The following MAP4K3 variants were observed in gnomAD, a reference collection of about 807,000 sequenced individuals.
MAP4K3 encodes mitogen-activated protein kinase kinase kinase kinase 3, also known as MAPK/ERK kinase kinase kinase 3.
Under a neutral mutation model 143.5 loss-of-function variants are expected in MAP4K3, and 94 were observed. The observed-to-expected ratio is 0.65, with a 90% CI of 0.55 to 0.78. MAP4K3 has a LOEUF of 0.78. Ranked by LOEUF, MAP4K3 falls within the 30% of genes least tolerant of loss-of-function variation. MAP4K3 has a pLI of 0.00. For synonymous variants in MAP4K3, 416 were observed against 347.2 expected (o/e 1.20, Z -2.20); for missense variants, 1,077 against 1,068.1 (o/e 1.01, Z -0.12).
At chr2:39,345,893 G>T (rs1409006952) in intron 3 of MAP4K3, among the ~76,000 whole-genome samples, 2 of 122,038 alleles carry the variant, frequency 1.6e-5, no homozygotes, top group Non-Finnish European at 3.1e-5. Flanking sequence ...CTGCACTCCA[G>T]CCTGAGTGAC....
rs1048155378 is a variant in MAP4K3 at position 39,437,009 on chromosome 2, G to A, written c.-22C>T. ...TCATGGCGGGCCCCAGGTGCCCCCC[G>A]CCTCCCTCCCGGGCAGGGGAGGGGG... On this transcript the variant is annotated 5_prime_UTR_variant, in exon 1 of 34. Coordinates refer to ENST00000263881, the MANE Select transcript of MAP4K3 (RefSeq NM_003618.4). 3.1e-6 allele frequency: 5 copies of A among 1,598,846 alleles called. No individual in the cohort carries two copies. The highest frequency in any genetic ancestry group is 4.3e-6 in the Non-Finnish European group (5 of 1,170,820).
chr2:39,268,006 GT>G (rs749095867), intron 26 of MAP4K3, among the ~76,000 whole-genome samples: 1 of 152,134 alleles, frequency 6.6e-6, no homozygotes, highest in Non-Finnish European at 1.5e-5. Context: ...TTTAGTACAT[GT>G]AATACATTTA....
intron 31 of MAP4K3, among the ~76,000 whole-genome samples, chr2:39,255,174 T>G (rs1045541068): frequency 4.6e-5 from 7 of 152,176 alleles, no homozygotes; most frequent in Non-Finnish European, 8.8e-5. Flanking sequence ...TTTCCAACCT[T>G]CATACATTCA....
chr2:39,384,286 C>T (rs1380261874), intron 1 of MAP4K3, among the ~76,000 whole-genome samples: 1 of 152,138 alleles, frequency 6.6e-6, no homozygotes, highest in Non-Finnish European at 1.5e-5. Context: ...TGGCTCATGC[C>T]TGTAACCTCA....
At chr2:39,258,235 T>A in intron 31 of MAP4K3, 113 bp downstream of exon 31, 2 of 809,134 alleles carry the variant, frequency 2.5e-6, no homozygotes, top group South Asian at 1.9e-5. Flanking sequence ...CCCAGCCATA[T>A]CCTTTATTTT....
rs775146730 is a variant in MAP4K3 at position 39,260,619 on chromosome 2, C to A, written c.2295G>T (p.Trp765Cys). ...AAAATTACAAACCTGATTCTGTAAA[C>A]CATGAAGAGGTAGAATTTGGATTGA... ...ETVNPNSTSSWFTESDTPQTN... is the reference protein window; with the variant it reads ...ETVNPNSTSSCFTESDTPQTN... Residue 765 changes from tryptophan (W) to cysteine (C), a missense_variant, in exon 29 of 34, where the codon TGG becomes TGT. This residue lies in a region of MAP4K3 where 864 missense variants were observed against 801.2 expected (regional missense o/e 1.08). Transcript: ENST00000263881. The A allele has an allele frequency of 6.2e-7, 1 of 1,613,838 alleles. No homozygotes were observed. The highest frequency in any genetic ancestry group is 8.5e-7 in the Non-Finnish European group (1 of 1,179,932).
At chr2:39,350,008 T>C (rs1665407385) in intron 3 of MAP4K3, among the ~76,000 whole-genome samples, 1 of 152,170 alleles carries the variant, frequency 6.6e-6, no homozygotes, top group South Asian at 2.1e-4. Flanking sequence ...AAGGAACATT[T>C]GGCAAAGCCT....
rs150790153 is a variant in MAP4K3 at position 39,277,068 on chromosome 2, T to C, written c.1794+1339A>G. The stretch of plus-strand genomic sequence containing the variant: ...TCCCCTCTGTTCTCTACCTTTGCCC[T>C]GAATTAACACTCTTTTACCATTTGA... On this transcript the variant is annotated intron_variant, in intron 24 of 33. Coordinates refer to ENST00000263881, the MANE Select transcript of MAP4K3 (RefSeq NM_003618.4). Among the ~76,000 whole-genome samples the C allele has an allele frequency of 8.5e-5, 13 of 152,358 alleles. No homozygotes were observed. In the East Asian group the frequency reaches 2.3e-3, roughly 27 times the overall value.
rs1190462528 is a variant in MAP4K3, at chr2:39,315,253, T to A, written c.997+57A>T. On this transcript the variant is annotated intron_variant, in intron 13 of 33. Coordinates refer to ENST00000263881, the MANE Select transcript of MAP4K3 (RefSeq NM_003618.4). Reference sequence around the variant, plus strand: ...GAAATAAAACAAAAATAACTGTAACTAAATTATAACTTATTTTCTATCATT... The same window carrying A: ...GAAATAAAACAAAAATAACTGTAACAAAATTATAACTTATTTTCTATCATT... The A allele has an allele frequency of 5.7e-6, 7 of 1,235,428 alleles. No homozygotes were observed. The East Asian group carries it at 1.5e-4, about 27-fold the overall frequency. The allele number at this position is 1,235,428 out of a possible 1,614,324, so 76.5% of individuals were successfully genotyped here.
Position 39,315,784 on chromosome 2 carries a change from A to G in MAP4K3, c.919-396T>C, listed in dbSNP as rs1573138465. On this transcript the variant is annotated intron_variant, in intron 12 of 33. Transcript: ENST00000263881. ...ATCGAGAAATTCTGAAGGGAAAGGAAATACAACAGTGTAAACATTACCACT... is the reference window on the plus strand; with the variant it reads ...ATCGAGAAATTCTGAAGGGAAAGGAGATACAACAGTGTAAACATTACCACT... Among the ~76,000 whole-genome samples the G allele has an allele frequency of 2.0e-5, 3 of 152,166 alleles. No homozygotes were observed. In the East Asian group the frequency reaches 5.8e-4, roughly 29 times the overall value.
chr2:39,410,781 T>G (rs2148617420), intron 1 of MAP4K3, among the ~76,000 whole-genome samples: 1 of 152,274 alleles, frequency 6.6e-6, no homozygotes, highest in South Asian at 2.1e-4. Context: ...CTATAGCAAT[T>G]AAACCAAAAT....
At chr2:39,321,663 C>T (rs1360590787) in intron 12 of MAP4K3, among the ~76,000 whole-genome samples, 2 of 152,192 alleles carry the variant, frequency 1.3e-5, no homozygotes, top group African/African-American at 4.8e-5. Flanking sequence ...CTGTCTCCTG[C>T]CCGTCCCTGG....
At chr2:39,399,044 T>TAAA (rs57189056) in intron 1 of MAP4K3, among the ~76,000 whole-genome samples, 12 of 116,422 alleles carry the variant, frequency 1.0e-4, no homozygotes, top group Non-Finnish European at 2.0e-4. Context: ...TCTGTCTCGT[T>TAAA]AAAAAAAAAA....
chr2:39,318,782 A>C lies in MAP4K3; in HGVS notation c.919-3394T>G, dbSNP rs1683202330. On this transcript the variant is annotated intron_variant, in intron 12 of 33. Transcript: ENST00000263881. ...ACGTTTATTCAACTTTTATCATCTT[A>C]AAGTTCTATGATTATTGTTATCATC... 2.6e-5 allele frequency among the ~76,000 whole-genome samples: 4 copies of C among 152,170 alleles called. No homozygotes were observed. In the South Asian group the frequency reaches 6.2e-4, roughly 24 times the overall value.
At chr2:39,319,763 A>G (rs1262286442) in intron 12 of MAP4K3, among the ~76,000 whole-genome samples, 2 of 152,232 alleles carry the variant, frequency 1.3e-5, no homozygotes, top group Non-Finnish European at 2.9e-5. Context: ...GAAATTACAA[A>G]GATTCACATA....
chr2:39,426,581 T>A (rs1473067431), intron 1 of MAP4K3, among the ~76,000 whole-genome samples: 1 of 151,920 alleles, frequency 6.6e-6, no homozygotes, highest in Non-Finnish European at 1.5e-5. Flanking sequence ...AAAAAAAAAA[T>A]ATGTATATAT....
chr2:39,417,514 G>A (rs1021797349), intron 1 of MAP4K3, among the ~76,000 whole-genome samples: 5 of 151,624 alleles, frequency 3.3e-5, no homozygotes, highest in South Asian at 2.1e-4. Flanking sequence ...CACCGCACCC[G>A]CCCGAAAGCC....
chr2:39,288,784 G>A (rs1681905875), intron 19 of MAP4K3, among the ~76,000 whole-genome samples: 2 of 152,204 alleles, frequency 1.3e-5, no homozygotes, highest in Non-Finnish European at 1.5e-5. Flanking sequence ...CGGGTGCGGT[G>A]GCTCACGCCT....
intron 1 of MAP4K3, among the ~76,000 whole-genome samples, chr2:39,424,217 T>A (rs1249692488): frequency 6.6e-6 from 1 of 152,204 alleles, no homozygotes; most frequent in Non-Finnish European, 1.5e-5. Context: ...GTGCTGGGAT[T>A]ACAGGCGTGA....
Sources: gnomAD v4.1 joint callset for allele counts (sites outside exome capture counted in the v4.1 genomes callset) on GRCh38, gnomAD v4.1.1 for gene constraint, gnomAD v4.1.1 regional missense constraint, MANE v1.5 for transcripts, NCBI Gene and HGNC (gene_info 2026-07-23, HGNC 2026-07-21) for gene names.